ACVR1C: variants seen among roughly 807,000 people sequenced by gnomAD.
ACVR1C encodes the protein activin A receptor type 1C, also known as activin receptor type-1C.
Under a neutral mutation model 57.9 loss-of-function variants are expected in ACVR1C, and 23 were observed. The observed-to-expected ratio is 0.40, with a 90% CI of 0.29 to 0.56. The LOEUF (loss-of-function observed/expected upper bound fraction) is 0.56, where lower values mean the gene tolerates loss of function less well. ACVR1C is among the 20% of genes least tolerant of loss of function. ACVR1C has a pLI of 0.50. For missense variants in ACVR1C, 480 were observed against 607.9 expected (o/e 0.79, Z 2.21); for synonymous variants, 214 against 215.3 (o/e 0.99, Z 0.05).
chr2:157,624,102 A>G (rs1682846701), intron 1 of ACVR1C, among the ~76,000 whole-genome samples: 1 of 152,190 alleles, frequency 6.6e-6, no homozygotes, highest in African/African-American at 2.4e-5. Flanking sequence ...GTCCACTTAT[A>G]GGACACTACA....
chr2:157,601,348 A>G (rs534501826), intron 1 of ACVR1C, among the ~76,000 whole-genome samples: 15 of 152,222 alleles, frequency 9.9e-5, no homozygotes, highest in South Asian at 2.1e-4. Context: ...AAAATAAAAA[A>G]GAAGGTAGGT....
chr2:157,555,519 A>T (rs1688079363), intron 3 of ACVR1C, among the ~76,000 whole-genome samples: 1 of 152,208 alleles, frequency 6.6e-6, no homozygotes, highest in Non-Finnish European at 1.5e-5. Context: ...GGAATGCTGC[A>T]CTGCTCTCTT....
intron 1 of ACVR1C, among the ~76,000 whole-genome samples, chr2:157,603,639 T>C (rs1344396933): frequency 6.6e-6 from 1 of 152,120 alleles, no homozygotes; most frequent in Non-Finnish European, 1.5e-5. Context: ...GCTTTATCTG[T>C]GTACAGATAA....
intron 8 of ACVR1C, 142 bp from the exon 9 acceptor site, chr2:157,534,185 G>T: frequency 1.5e-6 from 1 of 677,558 alleles, no homozygotes; most frequent in Non-Finnish European, 2.1e-6. Context: ...TGTTCCCCAG[G>T]CTGGAGTACA....
intron 1 of ACVR1C, among the ~76,000 whole-genome samples, chr2:157,600,917 A>T (rs991937615): frequency 2.0e-4 from 30 of 152,290 alleles, no homozygotes; most frequent in African/African-American, 7.2e-4. Context: ...TTCAAAGAAT[A>T]TGGGTGGGAA....
chr2:157,534,725 T>C (rs1360952346), intron 8 of ACVR1C, among the ~76,000 whole-genome samples: 1 of 152,098 alleles, frequency 6.6e-6, no homozygotes, highest in Admixed American at 6.6e-5. Context: ...TGAAAATGCA[T>C]GAAACCAGAG....
rs572091635 is a variant in ACVR1C at position 157,533,831 on chromosome 2, CAA to C, written c.*85_*86del. On this transcript the variant is annotated 3_prime_UTR_variant, in exon 9 of 9. Coordinates refer to ENST00000243349, the MANE Select transcript of ACVR1C (RefSeq NM_145259.3). ...GTACTGTCTTATCTTTGAGGTAGAA[CAA>C]AAAAAAAATGGCAAAAACATTCACA... The C allele has an allele frequency of 2.5e-5, 29 of 1,160,474 alleles. No homozygotes were observed. Among genetic ancestry groups the C allele is most frequent in the South Asian group, 5.9e-5 (3 of 50,894 alleles). The allele number at this position is 1,160,474 out of a possible 1,614,324, so 71.9% of individuals were successfully genotyped here.
At chr2:157,545,210 C>G (rs1237887093) in intron 4 of ACVR1C, among the ~76,000 whole-genome samples, 5 of 152,102 alleles carry the variant, frequency 3.3e-5, no homozygotes, top group African/African-American at 4.8e-5. Context: ...TTATAAAAGA[C>G]TTTTAGAAAA....
intron 1 of ACVR1C, among the ~76,000 whole-genome samples, chr2:157,596,382 T>C (rs1397462173): frequency 6.6e-6 from 1 of 152,102 alleles, no homozygotes; most frequent in Non-Finnish European, 1.5e-5. Context: ...AGTCAAGTAA[T>C]ACACATAAAG....
At position 157,591,296 on chromosome 2, in the gene ACVR1C, T is replaced by A. The variant is rs1042948521; in HGVS notation, c.74-3879A>T. ...TCTGGTGATGGTCCAGCCAAAGAAT[T>A]TGGGAAAAGACAAAGGTCTCAGCCC... On this transcript the variant is annotated intron_variant, in intron 1 of 8. Coordinates refer to ENST00000243349, the MANE Select transcript of ACVR1C (RefSeq NM_145259.3). Among the ~76,000 whole-genome samples, 3 of 151,888 alleles carry A rather than the reference T, an allele frequency of 2.0e-5. No individual in the cohort carries two copies. The East Asian group carries it at 5.8e-4, about 29-fold the overall frequency.
At chr2:157,542,272 T>C (rs1228188003) in intron 6 of ACVR1C, among the ~76,000 whole-genome samples, 1 of 152,194 alleles carries the variant, frequency 6.6e-6, no homozygotes, top group African/African-American at 2.4e-5. Flanking sequence ...TCCCTACCTA[T>C]CTATTTCAAC....
chr2:157,628,724 T>G lies in ACVR1C; in HGVS notation c.-80A>C. ...CGGGGCAGCACGGCCCGCTTTGAAG[T>G]TCCCGGGCCGCGGGAGGGGAGCGCG... On this transcript the variant is annotated 5_prime_UTR_variant, in exon 1 of 9. Coordinates refer to ENST00000243349, the MANE Select transcript of ACVR1C (RefSeq NM_145259.3). 19 of 1,249,146 alleles carry G rather than the reference T, an allele frequency of 1.5e-5. No homozygotes were observed. Among genetic ancestry groups the G allele is most frequent in the Middle Eastern group, 2.7e-4 (1 of 3,670 alleles). The allele number at this position is 1,249,146 out of a possible 1,614,324, so 77.4% of individuals were successfully genotyped here. A position where few individuals can be genotyped will look rare whatever the true frequency, so the allele number is the denominator to read the frequency against.
At chr2:157,599,710 A>G (rs1339383927) in intron 1 of ACVR1C, among the ~76,000 whole-genome samples, 1 of 152,220 alleles carries the variant, frequency 6.6e-6, no homozygotes, top group Non-Finnish European at 1.5e-5. Context: ...AATACACCAT[A>G]CACTTTAAAT....
In ACVR1C at chr2:157,542,655, C is replaced by T. The variant is rs553862348; in HGVS notation, c.1100+51G>A. The T allele has an allele frequency of 8.3e-6, 13 of 1,570,930 alleles. No homozygotes were observed. The Admixed American group carries it at 9.1e-5, about 11-fold the overall frequency. The stretch of plus-strand genomic sequence containing the variant: ...CTCCACACACATGAGGACATTCATG[C>T]TTATTGGGCACTCTCACATCTTACT... On this transcript the variant is annotated intron_variant, in intron 6 of 8. Transcript: ENST00000243349.
rs1687319011 is a variant in ACVR1C at position 157,529,957 on chromosome 2, T to C, written c.*3961A>G. 1 of 152,098 alleles carries C rather than the reference T, an allele frequency of 6.6e-6. No individual in the cohort carries two copies. The highest frequency in any genetic ancestry group is 1.5e-5 in the Non-Finnish European group (1 of 67,980). The allele number at this position is 152,098 out of a possible 1,614,324, so 9.4% of individuals were successfully genotyped here. A position where few individuals can be genotyped will look rare whatever the true frequency, so the allele number is the denominator to read the frequency against. On this transcript the variant is annotated 3_prime_UTR_variant, in exon 9 of 9. Coordinates refer to ENST00000243349, the MANE Select transcript of ACVR1C (RefSeq NM_145259.3). ...AGAAGCAGCTCTCAAGATAAAAGAA[T>C]TACTGTTTTCACTAAAATAGCAGAA...
chr2:157,586,099 T>C (rs1388710450), intron 2 of ACVR1C, among the ~76,000 whole-genome samples: 2 of 152,138 alleles, frequency 1.3e-5, no homozygotes, highest in Non-Finnish European at 2.9e-5. Flanking sequence ...CCTTTCCTGC[T>C]AATATGTCTT....
At chr2:157,541,016 A>G in intron 7 of ACVR1C, 74 bp downstream of exon 7, 1 of 1,511,214 alleles carries the variant, frequency 6.6e-7, no homozygotes, top group Non-Finnish European at 9.0e-7. Context: ...CTTAGGGGAA[A>G]AAGATAGAAT....
chr2:157,623,460 T>C lies in ACVR1C; in HGVS notation c.73+5112A>G, dbSNP rs537474675. On this transcript the variant is annotated intron_variant, in intron 1 of 8. Transcript: ENST00000243349. ...TGAGATCCAGTCATTTGCAACAACA[T>C]GGATGGAAGTGGAGATCATTATGTT... Among the ~76,000 whole-genome samples, 10 of 152,206 alleles carry C rather than the reference T, an allele frequency of 6.6e-5. No homozygotes were observed. In the South Asian group the frequency reaches 1.7e-3, roughly 25 times the overall value.
intron 2 of ACVR1C, among the ~76,000 whole-genome samples, chr2:157,574,749 TCC>T (rs1443881932): frequency 6.6e-6 from 1 of 152,170 alleles, no homozygotes; most frequent in Non-Finnish European, 1.5e-5. Flanking sequence ...ATTGTTTTTC[TCC>T]CTCATGGGAA....
Sources: allele counts gnomAD v4.1 joint callset (sites outside exome capture counted in the v4.1 genomes callset), GRCh38; gene constraint gnomAD v4.1.1; transcripts MANE v1.5; gene names NCBI Gene and HGNC (gene_info 2026-07-23, HGNC 2026-07-21).